The following THSD7B variants were observed in gnomAD, a reference collection of about 807,000 sequenced individuals.
THSD7B encodes thrombospondin type 1 domain containing 7B.
A neutral mutation model predicts 213.6 loss-of-function variants in THSD7B; 138 were observed. The ratio of observed to expected loss-of-function variants is 0.65; its 90% CI spans 0.56 to 0.74. The LOEUF is 0.74. Ranked by LOEUF, THSD7B falls within the 30% of genes least tolerant of loss-of-function variation. THSD7B has a pLI of 0.00. For missense variants in THSD7B, 1,931 were observed against 1,991.5 expected (o/e 0.97, Z 0.58); for synonymous variants, 742 against 687.0 (o/e 1.08, Z -1.25).
chr2:137,624,563 C>T (rs1682586568), intron 20 of THSD7B, among the ~76,000 whole-genome samples: 1 of 152,150 alleles, frequency 6.6e-6, no homozygotes, highest in South Asian at 2.1e-4. Flanking sequence ...AAAATTTTCA[C>T]AGTCTACCCA....
At chr2:136,841,001 A>G (rs1682911670) in intron 1 of THSD7B, among the ~76,000 whole-genome samples, 1 of 152,158 alleles carries the variant, frequency 6.6e-6, no homozygotes, top group South Asian at 2.1e-4. Context: ...TTCCTATACT[A>G]TCATCAGTGA....
Position 137,036,694 on chromosome 2 carries a change from A to G in THSD7B, c.140-19726A>G, listed in dbSNP as rs541529184. Among the ~76,000 whole-genome samples, 4 of 152,316 alleles carry G rather than the reference A, an allele frequency of 2.6e-5. No individual in the cohort carries two copies. The South Asian group carries it at 8.3e-4, about 32-fold the overall frequency. ...TTTTCCCAGAGGGACTTAGCCAAGT[A>G]GGGGAATATTGCTGAAAGGGTATCT... On this transcript the variant is annotated intron_variant, in intron 2 of 27. Coordinates refer to ENST00000409968, the MANE Select transcript of THSD7B (RefSeq NM_001316349.2).
At chr2:137,548,863 A>G (rs1035181086) in intron 15 of THSD7B, among the ~76,000 whole-genome samples, 1 of 152,044 alleles carries the variant, frequency 6.6e-6, no homozygotes, top group Non-Finnish European at 1.5e-5. Flanking sequence ...TTCTTTATAC[A>G]AACACATCTT....
At chr2:137,461,338 T>G (rs549396964) in intron 15 of THSD7B, among the ~76,000 whole-genome samples, 1 of 152,192 alleles carries the variant, frequency 6.6e-6, no homozygotes, top group South Asian at 2.1e-4. Context: ...TAAATACAGA[T>G]AGTAGATAAT....
chr2:137,110,972 G>A lies in THSD7B; in HGVS notation c.1200-4152G>A, dbSNP rs185907611. Among the ~76,000 whole-genome samples, 5 of 152,132 alleles carry A rather than the reference G, an allele frequency of 3.3e-5. 1 individual carries two copies. The highest frequency in any genetic ancestry group is 5.9e-5 in the Non-Finnish European group (4 of 68,022). ...GAGCAATATATACCATATAGCCTAG[G>A]TATGTAGTAGGCTACACCATCTAGG... On this transcript the variant is annotated intron_variant, in intron 4 of 27. Transcript: ENST00000409968.
intron 2 of THSD7B, among the ~76,000 whole-genome samples, chr2:136,883,286 A>G (rs1333344643): frequency 6.6e-6 from 1 of 151,948 alleles, no homozygotes; most frequent in African/African-American, 2.4e-5. Flanking sequence ...GATGTTTGTA[A>G]TATTTAAATA....
At chr2:137,669,694 G>C (rs2044433) in intron 27 of THSD7B, among the ~76,000 whole-genome samples, 1 of 151,868 alleles carries the variant, frequency 6.6e-6, no homozygotes, top group Non-Finnish European at 1.5e-5. Context: ...ATAGTCTATC[G>C]GTCTATAAAA....
intron 24 of THSD7B, 93 bp downstream of exon 24, chr2:137,657,253 GGT>G: frequency 8.3e-7 from 1 of 1,198,280 alleles, no homozygotes; most frequent in Non-Finnish European, 1.2e-6. Context: ...ATAAACAAGG[GGT>G]GACTTGGGCA....
At position 136,947,939 on chromosome 2, in the gene THSD7B, G is replaced by A. The variant is rs150104346; in HGVS notation, c.139+65622G>A. ...CTGGGCAACTGCATGGGGGTGTCCT[G>A]CAGACACTTCACACTGACTCGTCTA... is the stretch of plus-strand genomic sequence containing the variant. On this transcript the variant is annotated intron_variant, in intron 2 of 27. Transcript: ENST00000409968. Among the ~76,000 whole-genome samples, 597 of 152,280 alleles carry A rather than the reference G, an allele frequency of 3.9e-3. 4 individuals carry two copies. The highest frequency in any genetic ancestry group is 0.014 in the African/African-American group (574 of 41,552).
At position 136,956,685 on chromosome 2, in the gene THSD7B, C is replaced by CTT. The variant is rs563157220; in HGVS notation, c.139+74379_139+74380dup. Among the ~76,000 whole-genome samples, 13 of 140,802 alleles carry CTT rather than the reference C, an allele frequency of 9.2e-5. No individual in the cohort carries two copies. In the East Asian group the frequency reaches 1.8e-3, roughly 20 times the overall value. The allele number at this position is 140,802 out of a possible 152,430, so 92.4% of individuals were successfully genotyped here. ...ATATTACTTTAATTTTTTTTCTTTT[C>CTT]TTTTTTTTTTTTGAGACAGAGTCTT... On this transcript the variant is annotated intron_variant, in intron 2 of 27. Coordinates refer to ENST00000409968, the MANE Select transcript of THSD7B (RefSeq NM_001316349.2).
At chr2:136,961,110 A>AAG (rs1484867145) in intron 2 of THSD7B, among the ~76,000 whole-genome samples, 1 of 148,544 alleles carries the variant, frequency 6.7e-6, no homozygotes, top group Non-Finnish European at 1.5e-5. Context: ...AAAAAAAAAA[A>AAG]AGAGAAAATG....
At chr2:136,857,166 T>A (rs187494551) in intron 1 of THSD7B, among the ~76,000 whole-genome samples, 1 of 152,348 alleles carries the variant, frequency 6.6e-6, no homozygotes, top group Admixed American at 6.5e-5. Context: ...ATTGGCTATA[T>A]TGATTTGAAA....
chr2:136,818,298 CA>C (rs1048208221), intron 1 of THSD7B, among the ~76,000 whole-genome samples: 2 of 128,132 alleles, frequency 1.6e-5, no homozygotes, highest in Admixed American at 8.3e-5. Context: ...ATCGCAAGAA[CA>C]AAAAACCAAA....
At chr2:136,800,041 G>C (rs1445826838) in intron 1 of THSD7B, among the ~76,000 whole-genome samples, 1 of 151,920 alleles carries the variant, frequency 6.6e-6, no homozygotes, top group Non-Finnish European at 1.5e-5. Context: ...GGGGGAATAA[G>C]AAATATTCTG....
chr2:137,109,815 T>C (rs1045429377), intron 4 of THSD7B, among the ~76,000 whole-genome samples: 8 of 152,146 alleles, frequency 5.3e-5, no homozygotes, highest in Non-Finnish European at 8.8e-5. Flanking sequence ...CGCTGACCAG[T>C]ACTGGTCTGT....
At chr2:136,770,063 C>A (rs1681477351) in intron 1 of THSD7B, among the ~76,000 whole-genome samples, 1 of 152,196 alleles carries the variant, frequency 6.6e-6, no homozygotes, top group Non-Finnish European at 1.5e-5. Context: ...TGAGGGCTGG[C>A]TGCTGATTTG....
intron 15 of THSD7B, among the ~76,000 whole-genome samples, chr2:137,514,260 G>A (rs550548188): frequency 2.6e-5 from 4 of 152,264 alleles, no homozygotes; most frequent in African/African-American, 9.6e-5. Context: ...TGGACTGGGA[G>A]AAGCAGACCC....
chr2:137,149,715 C>T (rs566221359), intron 5 of THSD7B, among the ~76,000 whole-genome samples: 1 of 152,258 alleles, frequency 6.6e-6, no homozygotes, highest in African/African-American at 2.4e-5. Context: ...TTGCATGGGG[C>T]CTGTAGCCCC....
At chr2:137,503,446 C>T (rs1233403845) in intron 15 of THSD7B, among the ~76,000 whole-genome samples, 6 of 151,854 alleles carry the variant, frequency 4.0e-5, no homozygotes, top group Non-Finnish European at 5.9e-5. Context: ...AAACATGTTA[C>T]GTACTGAGGG....
Sources: allele counts gnomAD v4.1 joint callset (sites outside exome capture counted in the v4.1 genomes callset), GRCh38; gene constraint gnomAD v4.1.1; transcripts MANE v1.5; gene names NCBI Gene and HGNC (gene_info 2026-07-23, HGNC 2026-07-21).